MTCL2: variants seen among roughly 807,000 people sequenced by gnomAD.
MTCL2 encodes microtubule crosslinking factor 2.
chr20:36,852,191 C>A, the MTCL2 span, among the ~76,000 whole-genome samples: 1 of 152,220 alleles, frequency 6.6e-6, no homozygotes, highest in African/African-American at 2.4e-5. Context: ...GGAACGGGAG[C>A]CTCCGCCTGG....
the MTCL2 span, chr20:36,796,955 G>A: frequency 6.2e-7 from 1 of 1,613,716 alleles, no homozygotes; most frequent in Non-Finnish European, 8.5e-7. Context: ...CTGCGTGTCT[G>A]TCAAGGAAGA....
At chr20:36,860,669 T>G in the MTCL2 span, among the ~76,000 whole-genome samples, 1 of 152,240 alleles carries the variant, frequency 6.6e-6, no homozygotes, top group African/African-American at 2.4e-5. Context: ...TAATGGTGTT[T>G]GCAGGAATCA....
the MTCL2 span, among the ~76,000 whole-genome samples, chr20:36,850,754 C>T: frequency 4.8e-4 from 73 of 152,312 alleles, no homozygotes; most frequent in Non-Finnish European, 7.1e-4. Flanking sequence ...GTGGTTAAAA[C>T]TGTTTAAAAT....
chr20:36,838,301 T>C, the MTCL2 span, among the ~76,000 whole-genome samples: 2 of 152,194 alleles, frequency 1.3e-5, no homozygotes, highest in Non-Finnish European at 2.9e-5. Context: ...ATTAGCATAA[T>C]TAAGGAACCT....
the MTCL2 span, among the ~76,000 whole-genome samples, chr20:36,808,946 A>G: frequency 6.6e-6 from 1 of 152,232 alleles, no homozygotes. Flanking sequence ...TCATTGAAGG[A>G]GCTGGGATTT....
At chr20:36,837,589 T>C in the MTCL2 span, among the ~76,000 whole-genome samples, 1 of 148,492 alleles carries the variant, frequency 6.7e-6, no homozygotes, top group Non-Finnish European at 1.5e-5. Context: ...TTATTATTAT[T>C]ATTTTTGAGA....
chr20:36,807,086 G>C, the MTCL2 span, among the ~76,000 whole-genome samples: 1 of 152,184 alleles, frequency 6.6e-6, no homozygotes, highest in African/African-American at 2.4e-5. Context: ...GGAGGACCGA[G>C]GCGAATGCTC....
At chr20:36,851,194 A>G in the MTCL2 span, among the ~76,000 whole-genome samples, 95 of 152,304 alleles carry the variant, frequency 6.2e-4, 1 homozygote, top group South Asian at 0.019. Context: ...TATATTGTAC[A>G]GTATATTGTA....
At chr20:36,859,127 C>T in the MTCL2 span, among the ~76,000 whole-genome samples, 10 of 152,182 alleles carry the variant, frequency 6.6e-5, no homozygotes, top group Non-Finnish European at 1.3e-4. Flanking sequence ...AAAAAAGCAG[C>T]TCAGAGAAGC....
chr20:36,845,510 C>T, the MTCL2 span, among the ~76,000 whole-genome samples: 17 of 152,244 alleles, frequency 1.1e-4, no homozygotes, highest in African/African-American at 3.6e-4. Flanking sequence ...GCAGAATGCC[C>T]GTTAGCCCCT....
the MTCL2 span, chr20:36,802,953 T>C: frequency 6.3e-7 from 1 of 1,580,482 alleles, no homozygotes; most frequent in Non-Finnish European, 8.6e-7. Context: ...CTGGCTCCAG[T>C]TGCGCTCACT....
At chr20:36,781,701 T>A in the MTCL2 span, 2 of 148,814 alleles carry the variant, frequency 1.3e-5, no homozygotes, top group Non-Finnish European at 3.0e-5. Flanking sequence ...TAATAATAAA[T>A]AATAAATAAA....
the MTCL2 span, among the ~76,000 whole-genome samples, chr20:36,849,992 G>T: frequency 6.6e-6 from 1 of 152,140 alleles, no homozygotes; most frequent in African/African-American, 2.4e-5. Flanking sequence ...GCAGGAGCAG[G>T]TTGCCTCTTG....
At chr20:36,858,311 AACAC>A in the MTCL2 span, among the ~76,000 whole-genome samples, 341 of 31,690 alleles carry the variant, frequency 0.011, 6 homozygotes, top group African/African-American at 0.022. Flanking sequence ...AAGGAGGGAA[AACAC>A]ACACACACAC....
the MTCL2 span, among the ~76,000 whole-genome samples, chr20:36,823,160 A>G: frequency 6.6e-6 from 1 of 152,346 alleles, no homozygotes; most frequent in South Asian, 2.1e-4. Flanking sequence ...GAGAGAGGCC[A>G]TGTGGCTCTT....
At chr20:36,856,730 T>C in the MTCL2 span, among the ~76,000 whole-genome samples, 1 of 152,242 alleles carries the variant, frequency 6.6e-6, no homozygotes, top group Admixed American at 6.5e-5. Flanking sequence ...AGCAGCCTTG[T>C]AGAAGTAAGT....
chr20:36,837,585 TTATTA>T, the MTCL2 span, among the ~76,000 whole-genome samples: 9 of 146,304 alleles, frequency 6.2e-5, no homozygotes, highest in East Asian at 1.9e-4. Flanking sequence ...ATTATTATTA[TTATTA>T]TTTTTGAGAC....
chr20:36,786,979 A>G, the MTCL2 span, among the ~76,000 whole-genome samples: 1 of 151,994 alleles, frequency 6.6e-6, no homozygotes, highest in Non-Finnish European at 1.5e-5. Context: ...GTATGTCTAG[A>G]TCTCCTTCCT....
chr20:36,844,887 G>A, the MTCL2 span, among the ~76,000 whole-genome samples: 2 of 151,634 alleles, frequency 1.3e-5, no homozygotes, highest in Non-Finnish European at 2.9e-5. Context: ...AGGCATGGTG[G>A]CAGGTGCCTG....
Sources: allele counts gnomAD v4.1 joint callset (sites outside exome capture counted in the v4.1 genomes callset), GRCh38; gene constraint gnomAD v4.1.1; transcripts MANE v1.5; gene names NCBI Gene and HGNC (gene_info 2026-07-23, HGNC 2026-07-21).